The following NRG3 variants were observed in gnomAD, a reference collection of about 807,000 sequenced individuals.
The protein encoded by NRG3 is pro-neuregulin-3, membrane-bound isoform.
In NRG3, 31 loss-of-function variants were observed where a neutral mutation model predicts 66.9. The observed-to-expected ratio is 0.46, with a 90% CI of 0.35 to 0.63. The LOEUF (loss-of-function observed/expected upper bound fraction) is 0.63, where lower values mean the gene tolerates loss of function less well. Among genes scored for constraint, NRG3 ranks in the 20% least tolerant of loss-of-function variants. The pLI is 0.00. For synonymous variants in NRG3, 393 were observed against 359.4 expected, an observed-to-expected ratio of 1.09 and a Z score of -1.06; for missense variants, 910 against 878.9, an observed-to-expected ratio of 1.04 and a Z score of -0.45.
At chr10:82,694,119 G>A (rs546661136) in intron 2 of NRG3, among the ~76,000 whole-genome samples, 7 of 152,152 alleles carry the variant, frequency 4.6e-5, no homozygotes, top group Admixed American at 3.9e-4. Context: ...TTTACAGAGT[G>A]CTGATGGATG....
At chr10:82,102,971 ATAT>A (rs2066850528) in intron 1 of NRG3, among the ~76,000 whole-genome samples, 1 of 152,038 alleles carries the variant, frequency 6.6e-6, no homozygotes, top group East Asian at 1.9e-4. Context: ...CTTCTCACTA[ATAT>A]TATTTTTCTT....
At chr10:82,296,323 C>G (rs1225437503) in intron 1 of NRG3, among the ~76,000 whole-genome samples, 1 of 152,144 alleles carries the variant, frequency 6.6e-6, no homozygotes, top group African/African-American at 2.4e-5. Context: ...GGTGAAGTGA[C>G]ATGATCTCTT....
intron 3 of NRG3, among the ~76,000 whole-genome samples, chr10:82,813,878 T>G (rs1317960780): frequency 6.6e-6 from 1 of 152,146 alleles, no homozygotes; most frequent in Non-Finnish European, 1.5e-5. Flanking sequence ...GTCTGAAGCA[T>G]GACTTGGAAC....
At chr10:82,866,497 A>G (rs975324301) in intron 4 of NRG3, among the ~76,000 whole-genome samples, 1 of 152,134 alleles carries the variant, frequency 6.6e-6, no homozygotes, top group African/African-American at 2.4e-5. Context: ...TCCCAGTTGT[A>G]TGGTATTACT....
chr10:82,419,671 A>T (rs2088914967), intron 2 of NRG3, among the ~76,000 whole-genome samples: 1 of 152,162 alleles, frequency 6.6e-6, no homozygotes, highest in African/African-American at 2.4e-5. Context: ...GAAATCATAT[A>T]TTCTTATATA....
At chr10:82,648,265 G>C (rs1435617715) in intron 2 of NRG3, among the ~76,000 whole-genome samples, 33 of 151,764 alleles carry the variant, frequency 2.2e-4, no homozygotes, top group South Asian at 8.3e-4. Flanking sequence ...ATAGGGAATC[G>C]TTTCCCCATT....
chr10:82,094,062 C>T (rs1013426170), intron 1 of NRG3, among the ~76,000 whole-genome samples: 3 of 152,098 alleles, frequency 2.0e-5, no homozygotes, highest in African/African-American at 7.2e-5. Context: ...TATTATTATA[C>T]TCACATTTAT....
At chr10:82,022,099 C>T (rs1168935990) in intron 1 of NRG3, among the ~76,000 whole-genome samples, 3 of 151,808 alleles carry the variant, frequency 2.0e-5, no homozygotes, top group Admixed American at 2.0e-4. Flanking sequence ...TTATTGAGCA[C>T]ATACTATGTG....
chr10:82,381,718 A>G (rs2085631201), intron 2 of NRG3, among the ~76,000 whole-genome samples: 1 of 152,178 alleles, frequency 6.6e-6, no homozygotes, highest in African/African-American at 2.4e-5. Flanking sequence ...ATCACACTAA[A>G]TGAGACACCT....
At chr10:81,979,124 G>A (rs573895502) in intron 1 of NRG3, among the ~76,000 whole-genome samples, 1 of 150,694 alleles carries the variant, frequency 6.6e-6, no homozygotes, top group African/African-American at 2.4e-5. Flanking sequence ...GGGAGGCAGA[G>A]GTTGCAGTGA....
At chr10:82,058,200 T>G (rs527726420) in intron 1 of NRG3, among the ~76,000 whole-genome samples, 42 of 152,200 alleles carry the variant, frequency 2.8e-4, no homozygotes, top group African/African-American at 1.0e-3. Context: ...TCTATGTATA[T>G]TAAGGATAGC....
intron 1 of NRG3, among the ~76,000 whole-genome samples, chr10:82,107,417 A>C (rs947566141): frequency 2.6e-5 from 4 of 152,242 alleles, no homozygotes; most frequent in African/African-American, 9.6e-5. Flanking sequence ...GAAATCTGGA[A>C]GATCCAACTT....
chr10:82,823,648 T>G (rs1427584611), intron 3 of NRG3, among the ~76,000 whole-genome samples: 1 of 152,028 alleles, frequency 6.6e-6, no homozygotes, highest in Non-Finnish European at 1.5e-5. Context: ...CTTCCAGAAT[T>G]GCCTTTGCGG....
intron 2 of NRG3, among the ~76,000 whole-genome samples, chr10:82,661,585 TTGTG>T (rs373562301): frequency 5.9e-5 from 9 of 151,356 alleles, no homozygotes; most frequent in South Asian, 2.1e-4. Context: ...TCTGGTATAT[TTGTG>T]TGTGTGTGTG....
intron 4 of NRG3, among the ~76,000 whole-genome samples, chr10:82,922,913 C>G (rs938758132): frequency 6.6e-6 from 1 of 152,172 alleles, no homozygotes; most frequent in Non-Finnish European, 1.5e-5. Context: ...ATCTTTGACA[C>G]CTCCTCCTCT....
intron 1 of NRG3, chr10:82,230,060 T>C (rs2076379941): frequency 6.6e-6 from 1 of 152,048 alleles, no homozygotes; most frequent in Non-Finnish European, 1.5e-5. Context: ...GAAACGAATA[T>C]ATGGAGAAAA....
rs1376700646 is a variant in NRG3 at position 81,929,254 on chromosome 10, A to G, written c.823+53091A>G. 2.0e-5 allele frequency among the ~76,000 whole-genome samples: 3 copies of G among 152,118 alleles called. No homozygotes were observed. The South Asian group carries it at 6.2e-4, about 31-fold the overall frequency. On this transcript the variant is annotated intron_variant, in intron 1 of 8. Coordinates refer to ENST00000372141, the MANE Select transcript of NRG3 (RefSeq NM_001010848.4). ...TTGTGTGCAGACAACCTCCCTCTCC[A>G]TCTGTTCTTCTCCTCCTCAATGTTT... is the stretch of plus-strand genomic sequence containing the variant.
At chr10:82,951,345 A>T (rs1849497239) in intron 4 of NRG3, 124 bp from the exon 5 acceptor site, 2 of 658,494 alleles carry the variant, frequency 3.0e-6, no homozygotes, top group African/African-American at 1.8e-5. Flanking sequence ...TTTTTTCCCT[A>T]TTTATGACAG....
chr10:82,963,462 C>T (rs940303862), intron 6 of NRG3, among the ~76,000 whole-genome samples: 2 of 152,218 alleles, frequency 1.3e-5, no homozygotes, highest in East Asian at 1.9e-4. Flanking sequence ...GGGTGGATCA[C>T]GAGGTCAGGA....
Sources: gnomAD v4.1 joint callset for allele counts (sites outside exome capture counted in the v4.1 genomes callset) on GRCh38, gnomAD v4.1.1 for gene constraint, MANE v1.5 for transcripts, NCBI Gene and HGNC (gene_info 2026-07-23, HGNC 2026-07-21) for gene names.